The following OPRM1 variants were observed in gnomAD, a reference collection of about 807,000 sequenced individuals.
The protein encoded by OPRM1 is opioid receptor mu 1, also known as mu-type opioid receptor.
Under a neutral mutation model 31.8 loss-of-function variants are expected in OPRM1, and 27 were observed. That is an observed-to-expected ratio of 0.85 (90% CI 0.63 to 1.17). The LOEUF (loss-of-function observed/expected upper bound fraction) is 1.17, where lower values mean the gene tolerates loss of function less well. Ranked by LOEUF, OPRM1 falls within the 50% of genes most tolerant of loss-of-function variation. The probability of loss-of-function intolerance (pLI) is 0.00; values close to 1 mark genes in which losing one functional copy is unlikely to be tolerated. For missense variants in OPRM1, 536 were observed against 511.1 expected, an observed-to-expected ratio of 1.05 and a Z score of -0.47; for synonymous variants, 196 against 189.9, an observed-to-expected ratio of 1.03 and a Z score of -0.26.
At chr6:154,039,892 A>G in intron 1 of OPRM1, 58 bp downstream of exon 1, 1 of 1,459,626 alleles carries the variant, frequency 6.9e-7, no homozygotes, top group South Asian at 1.3e-5. Flanking sequence ...GGGTACAAAG[A>G]GACACCTAAC....
At chr6:154,206,599 C>A (rs1777514658) in intron 3 of OPRM1, among the ~76,000 whole-genome samples, 1 of 70,098 alleles carries the variant, frequency 1.4e-5, no homozygotes, top group Non-Finnish European at 2.7e-5. Context: ...ATTGTGATAA[C>A]AACATGAAAA....
intron 1 of OPRM1, among the ~76,000 whole-genome samples, chr6:154,058,473 A>G (rs1388425291): frequency 6.6e-6 from 1 of 152,246 alleles, no homozygotes; most frequent in Non-Finnish European, 1.5e-5. Flanking sequence ...CAGAACAATC[A>G]CAGGTCAGAA....
intron 1 of OPRM1, among the ~76,000 whole-genome samples, chr6:154,058,383 G>A (rs977238905): frequency 3.3e-5 from 5 of 152,136 alleles, no homozygotes; most frequent in African/African-American, 1.2e-4. Context: ...TGAAATAGAT[G>A]AAGTTATAAA....
At chr6:154,109,547 T>C (rs1007292161) in intron 3 of OPRM1, among the ~76,000 whole-genome samples, 2 of 152,118 alleles carry the variant, frequency 1.3e-5, no homozygotes, top group Admixed American at 6.6e-5. Flanking sequence ...GATTTGATGA[T>C]TAGGGAATCA....
Position 154,091,414 on chromosome 6 carries a change from G to T in OPRM1, c.1106G>T (p.Arg369Leu). The T allele has an allele frequency of 6.2e-7, 1 of 1,613,908 alleles. No homozygotes were observed. Among genetic ancestry groups the T allele is most frequent in the Non-Finnish European group, 8.5e-7 (1 of 1,180,028 alleles). ...NIEQQNSTRI[R>L]QNTRDHPSTA... ...GAGCAACAAAACTCCACTCGAATTC[G>T]TCAGAACACTAGAGACCACCCCTCC... The change falls in exon 3 of 4, where the codon CGT becomes CTT. Residue 369 changes from arginine to leucine, a missense_variant. Coordinates refer to ENST00000330432, the MANE Select transcript of OPRM1 (RefSeq NM_000914.5).
chr6:154,218,520 C>T (rs1778597336), intron 3 of OPRM1, among the ~76,000 whole-genome samples: 1 of 152,146 alleles, frequency 6.6e-6, no homozygotes, highest in Non-Finnish European at 1.5e-5. Flanking sequence ...ACGCTACCCA[C>T]TCCCTCCCCC....
rs113616740 is a variant in OPRM1, at chr6:154,122,686, C to T, written c.*3965C>T. On this transcript the variant is annotated 3_prime_UTR_variant, in exon 4 of 4. Coordinates refer to ENST00000330432, the MANE Select transcript of OPRM1 (RefSeq NM_000914.5). The stretch of plus-strand genomic sequence containing the variant: ...CAGAAACAAAACCAAATGTGGATAG[C>T]TTTGTGAGCTGCAGTGTGTGGCAAA... Among the ~76,000 whole-genome samples, 63 of 152,300 alleles carry T rather than the reference C, an allele frequency of 4.1e-4. No individual in the cohort carries two copies. Among genetic ancestry groups the T allele is most frequent in the African/African-American group, 1.5e-3 (62 of 41,580 alleles).
intron 1 of OPRM1, chr6:154,086,488 T>G (rs1183614272): frequency 1.6e-6 from 1 of 621,876 alleles, no homozygotes; most frequent in African/African-American, 2.0e-5. Flanking sequence ...TGTTTTGAAA[T>G]GTATACACAT....
intron 3 of OPRM1, among the ~76,000 whole-genome samples, chr6:154,181,687 G>C (rs17085144): frequency 0.082 from 12,425 of 152,206 alleles, 994 homozygotes; most frequent in East Asian, 0.43. Flanking sequence ...TGCTGCTGAG[G>C]TTCCCAGGTT....
At position 154,117,016 on chromosome 6, in the gene OPRM1, C is replaced by A. The variant is rs17181289; in HGVS notation, c.1165-1667C>A. Among the ~76,000 whole-genome samples, 406 of 152,292 alleles carry A rather than the reference C, an allele frequency of 2.7e-3. 2 individuals carry two copies. Among genetic ancestry groups the A allele is most frequent in the African/African-American group, 9.1e-3 (379 of 41,552 alleles). On this transcript the variant is annotated intron_variant, in intron 3 of 3. Transcript: ENST00000330432. ...AGAATGTTCTCTCCATCCTCCACCCCACAGATGAGCAAACAGAAACCATGG... is the reference window on the plus strand; with the variant it reads ...AGAATGTTCTCTCCATCCTCCACCCAACAGATGAGCAAACAGAAACCATGG...
intron 3 of OPRM1, among the ~76,000 whole-genome samples, chr6:154,112,567 C>T (rs955645551): frequency 2.6e-5 from 4 of 152,122 alleles, no homozygotes; most frequent in African/African-American, 4.8e-5. Context: ...CTCAAAATGC[C>T]GTGGTCCTCA....
Position 154,212,932 on chromosome 6 carries a change from T to C in OPRM1, c.1165-33761T>C, listed in dbSNP as rs773242413. On this transcript the variant is annotated intron_variant, in intron 3 of 3. Transcript: ENST00000337049. Reference sequence around the variant, plus strand: ...CATAATGCATGAGCAGAGGTTTATCTCCATCTGGCTATTGCAATTTCAATC... The same window carrying C: ...CATAATGCATGAGCAGAGGTTTATCCCCATCTGGCTATTGCAATTTCAATC... 5.1e-5 allele frequency: 50 copies of C among 971,512 alleles called. No individual in the cohort carries two copies. In the African/African-American group the frequency reaches 7.2e-4, roughly 14 times the overall value. The allele number at this position is 971,512 out of a possible 1,614,324, so 60.2% of individuals were successfully genotyped here.
chr6:154,086,494 C>A, intron 1 of OPRM1: 1 of 681,296 alleles, frequency 1.5e-6, no homozygotes, highest in Non-Finnish European at 1.8e-6. Context: ...GAAATGTATA[C>A]ACATTGTGGA....
chr6:154,040,290 G>A (rs1779792698), intron 1 of OPRM1, among the ~76,000 whole-genome samples: 4 of 152,036 alleles, frequency 2.6e-5, no homozygotes, highest in African/African-American at 4.8e-5. Context: ...TGTGGCGGGG[G>A]GAGCAGTCTC....
At chr6:154,147,542 G>A (rs1036349243) in intron 3 of OPRM1, among the ~76,000 whole-genome samples, 2 of 152,198 alleles carry the variant, frequency 1.3e-5, no homozygotes, top group Admixed American at 1.3e-4. Flanking sequence ...CACTGAGCGA[G>A]TTATAACTGA....
intron 1 of OPRM1, among the ~76,000 whole-genome samples, chr6:154,013,359 T>G (rs1330180759): frequency 6.6e-6 from 1 of 152,164 alleles, no homozygotes; most frequent in Non-Finnish European, 1.5e-5. Context: ...AGAGAGAGAA[T>G]AAACTGAGAA....
At chr6:154,183,994 T>C (rs115787160) in intron 3 of OPRM1, among the ~76,000 whole-genome samples, 1,769 of 152,250 alleles carry the variant, frequency 0.012, 29 homozygotes, top group African/African-American at 0.04. Context: ...AAATTTCAAG[T>C]ACACAATGTA....
chr6:154,201,478 T>C (rs530413292), intron 3 of OPRM1, among the ~76,000 whole-genome samples: 4 of 152,320 alleles, frequency 2.6e-5, no homozygotes, highest in African/African-American at 9.6e-5. Context: ...TCAAAAAATC[T>C]AGACTCCAGT....
Position 154,122,472 on chromosome 6 carries a change from C to A in OPRM1, c.*3751C>A, listed in dbSNP as rs909491275. ...ATACATAGTCATAGAACAGGGCATG[C>A]AGATTGTATTTAAGACCACTGCAAG... On this transcript the variant is annotated 3_prime_UTR_variant, in exon 4 of 4. Coordinates refer to ENST00000330432, the MANE Select transcript of OPRM1 (RefSeq NM_000914.5). Among the ~76,000 whole-genome samples, 1 of 152,132 alleles carries A rather than the reference C, an allele frequency of 6.6e-6. No homozygotes were observed. Among genetic ancestry groups the A allele is most frequent in the Non-Finnish European group, 1.5e-5 (1 of 68,002 alleles).
Sources: allele counts gnomAD v4.1 joint callset (sites outside exome capture counted in the v4.1 genomes callset), GRCh38; gene constraint gnomAD v4.1.1; transcripts MANE v1.5; gene names NCBI Gene and HGNC (gene_info 2026-07-23, HGNC 2026-07-21).